The following ADGRA1 variants were observed in gnomAD, a reference collection of about 807,000 sequenced individuals.
The protein encoded by ADGRA1 is G-protein coupled receptor 123.
In ADGRA1, 12 loss-of-function variants were observed where a neutral mutation model predicts 21.3. That is an observed-to-expected ratio of 0.56 (90% CI 0.36 to 0.91). The LOEUF (loss-of-function observed/expected upper bound fraction) is 0.91. ADGRA1 is among the 40% of genes least tolerant of loss of function. ADGRA1 has a pLI of 0.01. For missense variants in ADGRA1, 790 were observed against 805.6 expected (o/e 0.98, Z 0.23); for synonymous variants, 385 against 368.8 (o/e 1.04, Z -0.50).
At chr10:133,111,744 A>T (rs142248643) in intron 5 of ADGRA1, among the ~76,000 whole-genome samples, 111 of 6,446 alleles carry the variant, frequency 0.017, 8 homozygotes, top group East Asian at 0.099. Flanking sequence ...TCCTAATCCC[A>T]CCAGACAACC....
chr10:133,127,636 G>A (rs1376987394), intron 6 of ADGRA1, among the ~76,000 whole-genome samples: 1 of 152,116 alleles, frequency 6.6e-6, no homozygotes, highest in African/African-American at 2.4e-5. Context: ...AGCTGAGAAG[G>A]GAAACCCCAT....
Position 133,129,188 on chromosome 10 carries a change from G to A in ADGRA1, c.1360G>A (p.Asp454Asn). 7.7e-6 allele frequency: 12 copies of A among 1,550,618 alleles called. No homozygotes were observed. The highest frequency in any genetic ancestry group is 1.4e-5 in the African/African-American group (1 of 73,182). ...LDGSPRSSRT[D>N]SPPSSLDGPA... Reference sequence around the variant, plus strand: ...TGGCAGCCCCCGCAGCTCGCGCACAGACAGCCCCCCCAGCTCTCTGGATGG... The same window carrying A: ...TGGCAGCCCCCGCAGCTCGCGCACAAACAGCCCCCCCAGCTCTCTGGATGG... Residue 454 changes from aspartate (D) to asparagine (N), a missense_variant, in exon 7 of 7, where the codon GAC (aspartate) becomes AAC (asparagine). By Grantham distance (23) the Asp-to-Asn change is conservative. This residue lies in a region of ADGRA1 where 391 missense variants were observed against 351.5 expected (regional missense o/e 1.11). Transcript: ENST00000392607.
chr10:133,094,708 C>G (rs1851658825), intron 2 of ADGRA1, among the ~76,000 whole-genome samples: 1 of 152,158 alleles, frequency 6.6e-6, no homozygotes. Context: ...GCAACAATGG[C>G]TCGTCGGAAC....
chr10:133,088,619 C>A, intron 1 of ADGRA1, 89 bp from the exon 2 acceptor site: 1 of 847,946 alleles, frequency 1.2e-6, no homozygotes, highest in Non-Finnish European at 1.5e-6. Flanking sequence ...GCGACAGGGG[C>A]CGCGGCTGCT....
At chr10:133,121,271 G>T (rs189622105) in intron 5 of ADGRA1, among the ~76,000 whole-genome samples, 5 of 152,182 alleles carry the variant, frequency 3.3e-5, no homozygotes, top group African/African-American at 9.7e-5. Context: ...TGCTCAACCC[G>T]GGGTTCCCAC....
At chr10:133,119,540 C>T (rs748478598) in intron 5 of ADGRA1, among the ~76,000 whole-genome samples, 1 of 152,252 alleles carries the variant, frequency 6.6e-6, no homozygotes, top group Non-Finnish European at 1.5e-5. Context: ...TCAAACTCTG[C>T]CACGGCTTGG....
intron 4 of ADGRA1, chr10:133,102,145 G>T (rs1466099447): frequency 8.9e-6 from 4 of 447,594 alleles, no homozygotes; most frequent in Non-Finnish European, 1.8e-5. Flanking sequence ...CGACCTGCAG[G>T]GCCACACGAA....
At chr10:133,098,887 A>G in intron 4 of ADGRA1, 124 bp downstream of exon 4, 1 of 1,319,792 alleles carries the variant, frequency 7.6e-7, no homozygotes, top group Non-Finnish European at 1.0e-6. Context: ...GGACCCTGGC[A>G]CATCGGTGTC....
At chr10:133,112,727 C>T (rs1259057630) in intron 5 of ADGRA1, among the ~76,000 whole-genome samples, 3 of 146,076 alleles carry the variant, frequency 2.1e-5, no homozygotes, top group African/African-American at 5.1e-5. Context: ...CGGGCCGCGT[C>T]GGTTATTTGA....
chr10:133,126,666 C>T (rs1203965605), intron 5 of ADGRA1, among the ~76,000 whole-genome samples: 1 of 152,220 alleles, frequency 6.6e-6, no homozygotes, highest in Non-Finnish European at 1.5e-5. Context: ...AGGTCAGCCC[C>T]TGCCCTGGGC....
At position 133,128,640 on chromosome 10, in the gene ADGRA1, C is replaced by T. The variant is rs1474438385; in HGVS notation, c.812C>T (p.Ala271Val). The T allele has an allele frequency of 2.5e-6, 4 of 1,607,768 alleles. No homozygotes were observed. The highest frequency in any genetic ancestry group is 3.4e-6 in the Non-Finnish European group (4 of 1,178,500). The stretch of plus-strand genomic sequence containing the variant: ...CTGTTCCTGTTCACGGCCACGTGGG[C>T]CTTCGGGGCGCTGGCGGTGTCACAG... Reference protein sequence around the residue: ...FTLFLFTATWAFGALAVSQGH... With the variant: ...FTLFLFTATWVFGALAVSQGH... Residue 271 changes from alanine to valine, a missense_variant, in exon 7 of 7, where the codon GCC becomes GTC. Ala to Val is a moderately conservative substitution (Grantham distance 64). Coordinates refer to ENST00000392607, the MANE Select transcript of ADGRA1 (RefSeq NM_001083909.3).
chr10:133,104,369 T>C (rs1192328226), intron 5 of ADGRA1, among the ~76,000 whole-genome samples: 1 of 152,162 alleles, frequency 6.6e-6, no homozygotes, highest in Non-Finnish European at 1.5e-5. Flanking sequence ...CTGTAATTGA[T>C]GGAAGAGCTG....
chr10:133,123,070 G>A lies in ADGRA1; in HGVS notation c.402-4163G>A, dbSNP rs529760870. On this transcript the variant is annotated intron_variant, in intron 5 of 6. Coordinates refer to ENST00000392607, the MANE Select transcript of ADGRA1 (RefSeq NM_001083909.3). ...GCTTTATCCCTTTATCCCTCCTGCCGACTGTGGCACGTTGGTCTCCGAGGG... is the reference window on the plus strand; with the variant it reads ...GCTTTATCCCTTTATCCCTCCTGCCAACTGTGGCACGTTGGTCTCCGAGGG... Among the ~76,000 whole-genome samples, 13 of 152,308 alleles carry A rather than the reference G, an allele frequency of 8.5e-5. 1 individual carries two copies. The East Asian group carries it at 9.6e-4, about 11-fold the overall frequency.
rs1852456281 is a variant in ADGRA1 at position 133,129,193 on chromosome 10, C to T, written c.1365C>T (p.Ser455=). ...DGSPRSSRTD[S]PPSSLDGPAG... is the part of the protein sequence containing the mutation. The stretch of plus-strand genomic sequence containing the variant: ...GCCCCCGCAGCTCGCGCACAGACAG[C>T]CCCCCCAGCTCTCTGGATGGCCCGG... The change falls in exon 7 of 7, where the codon AGC becomes AGT. Residue 455 remains serine, a synonymous_variant. Transcript: ENST00000392607. 3.9e-6 allele frequency: 6 copies of T among 1,550,174 alleles called. No individual in the cohort carries two copies. The highest frequency in any genetic ancestry group is 1.7e-4 in the Middle Eastern group (1 of 5,860).
chr10:133,125,062 A>G (rs1200525709), intron 5 of ADGRA1, among the ~76,000 whole-genome samples: 2 of 152,176 alleles, frequency 1.3e-5, no homozygotes, highest in African/African-American at 2.4e-5. Flanking sequence ...CTTATCGTCT[A>G]CTTTGCCGGG....
intron 2 of ADGRA1, among the ~76,000 whole-genome samples, chr10:133,089,413 AC>A (rs1343473924): frequency 2.6e-5 from 4 of 152,198 alleles, no homozygotes; most frequent in African/African-American, 9.6e-5. Context: ...CACGGCAGGC[AC>A]GGGAAGGGTG....
chr10:133,130,351 G>A lies in ADGRA1; in HGVS notation c.*840G>A, dbSNP rs1159058078. ...TCGACTTCCAAAACCAGCCACCGCT[G>A]GGACTGGATTCCACTCCAGTATAGG... On this transcript the variant is annotated 3_prime_UTR_variant, in exon 7 of 7. Transcript: ENST00000392607. The A allele has an allele frequency of 6.6e-6, 1 of 152,196 alleles. No homozygotes were observed. Among genetic ancestry groups the A allele is most frequent in the African/African-American group, 2.4e-5 (1 of 41,440 alleles). The allele number at this position is 152,196 out of a possible 1,614,324, so 9.4% of individuals were successfully genotyped here.
At chr10:133,123,355 C>T (rs964165001) in intron 5 of ADGRA1, among the ~76,000 whole-genome samples, 1 of 152,220 alleles carries the variant, frequency 6.6e-6, no homozygotes, top group Admixed American at 6.5e-5. Context: ...TCAGCCCGAG[C>T]GGCAGAGACT....
intron 4 of ADGRA1, among the ~76,000 whole-genome samples, 173 bp from the exon 5 acceptor site, chr10:133,102,524 C>T (rs1465179787): frequency 4.6e-5 from 7 of 152,210 alleles, no homozygotes; most frequent in Admixed American, 3.9e-4. Context: ...TGCAGCTCAG[C>T]GTCTCCCTGT....
Sources: allele counts gnomAD v4.1 joint callset (sites outside exome capture counted in the v4.1 genomes callset), GRCh38; gene constraint gnomAD v4.1.1; regional missense constraint gnomAD v4.1.1; transcripts MANE v1.5; gene names NCBI Gene and HGNC (gene_info 2026-07-23, HGNC 2026-07-21).